The following MEGF11 variants were observed in gnomAD, a reference collection of about 807,000 sequenced individuals.
MEGF11 encodes the protein multiple EGF like domains 11.
A neutral mutation model predicts 146.6 loss-of-function variants in MEGF11; 126 were observed. The observed-to-expected ratio is 0.86, with a 90% CI of 0.74 to 1.00. MEGF11 has a LOEUF of 1.00. Among genes scored for constraint, MEGF11 ranks in the 50% least tolerant of loss-of-function variants. MEGF11 has a pLI of 0.00. For synonymous variants in MEGF11, 532 were observed against 583.4 expected (o/e 0.91, Z 1.27); for missense variants, 1,509 against 1,521.2 (o/e 0.99, Z 0.13).
chr15:65,965,273 C>G, intron 8 of MEGF11, 153 bp from the exon 9 acceptor site: 1 of 595,962 alleles, frequency 1.7e-6, no homozygotes. Context: ...TCTCCTCCTC[C>G]AGGAAGTAGT....
intron 10 of MEGF11, among the ~76,000 whole-genome samples, chr15:65,942,538 T>C (rs1239943519): frequency 6.6e-6 from 1 of 152,064 alleles, no homozygotes; most frequent in Non-Finnish European, 1.5e-5. Flanking sequence ...ATGATGATGA[T>C]GACTATGGTG....
Position 65,898,794 on chromosome 15 carries a change from G to A in MEGF11, c.3196C>T (p.His1066Tyr), listed in dbSNP as rs2078419794. The A allele has an allele frequency of 6.2e-7, 1 of 1,613,932 alleles. No homozygotes were observed. Among genetic ancestry groups the A allele is most frequent in the Non-Finnish European group, 8.5e-7 (1 of 1,179,868 alleles). The part of the protein sequence containing the change: ...SSYVEMKSPV[H>Y]MGSPYTDVPS... ...ACATCTGTGTACGGAGACCCCATGT[G>A]CACAGGCGACTTCATTTCTACATAG... Residue 1066 changes from histidine (H) to tyrosine (Y), a missense_variant, in exon 25 of 26, where the codon CAC becomes TAC. Transcript: ENST00000395614.
chr15:65,909,764 G>T lies in MEGF11; in HGVS notation c.2872C>A (p.Pro958Thr), dbSNP rs577807241. Reference sequence around the variant, plus strand: ...CCTAACACGTTCACATAGCTGTAGGGGGTCCAGCCTGCTGTGTCTCTGTCA... The same window carrying T: ...CCTAACACGTTCACATAGCTGTAGGTGGTCCAGCCTGCTGTGTCTCTGTCA... ...SLDRDTAGWTPYSYVNVLDSH... is the reference protein window; with the variant it reads ...SLDRDTAGWTTYSYVNVLDSH... The change falls in exon 22 of 26, where the codon CCC becomes ACC. Residue 958 changes from proline to threonine, a missense_variant. Transcript: ENST00000395614. The T allele has an allele frequency of 3.1e-4, 492 of 1,585,038 alleles. 1 individual carries two copies. In the African/African-American group the frequency reaches 6.1e-3, roughly 20 times the overall value.
At chr15:66,237,443 A>C (rs911110312) in intron 1 of MEGF11, among the ~76,000 whole-genome samples, 1 of 152,168 alleles carries the variant, frequency 6.6e-6, no homozygotes, top group Non-Finnish European at 1.5e-5. Context: ...ATCTGCTGTT[A>C]TCTCTAATTC....
rs74467768 is a variant in MEGF11 at position 66,005,460 on chromosome 15, A to G, written c.395-22972T>C. On this transcript the variant is annotated intron_variant, in intron 5 of 25. Transcript: ENST00000395614. ...GCAATACTATAATTAGAAATTGGCA[A>G]TACTCTTATGATTCGTGCTCCAGTA... Among the ~76,000 whole-genome samples, 73 of 152,342 alleles carry G rather than the reference A, an allele frequency of 4.8e-4. 1 individual carries two copies. The highest frequency in any genetic ancestry group is 1.6e-3 in the African/African-American group (65 of 41,576).
chr15:66,158,233 T>C (rs931883818), intron 1 of MEGF11, among the ~76,000 whole-genome samples: 1 of 152,258 alleles, frequency 6.6e-6, no homozygotes, highest in Non-Finnish European at 1.5e-5. Flanking sequence ...AATCCTGAGC[T>C]GGCATCACCC....
intron 1 of MEGF11, among the ~76,000 whole-genome samples, chr15:66,191,366 T>TC (rs1488300301): frequency 6.6e-6 from 1 of 152,228 alleles, no homozygotes; most frequent in African/African-American, 2.4e-5. Context: ...TACAGGGGTT[T>TC]CAATGGATGC....
rs113994238 is a variant in MEGF11, at chr15:66,053,282, C to T, written c.394+41120G>A. On this transcript the variant is annotated intron_variant, in intron 5 of 25. Transcript: ENST00000395614. Reference sequence around the variant, plus strand: ...TAGCATAGAGCCAGATATAAGTATGCGAAGGAGTACTAACATCCTTGCCTG... The same window carrying T: ...TAGCATAGAGCCAGATATAAGTATGTGAAGGAGTACTAACATCCTTGCCTG... Among the ~76,000 whole-genome samples the T allele has an allele frequency of 3.1e-3, 468 of 152,190 alleles. 4 individuals are homozygous for T. Among genetic ancestry groups the T allele is most frequent in the African/African-American group, 0.011 (440 of 41,502 alleles).
chr15:66,196,397 A>C (rs2091011248), intron 1 of MEGF11, among the ~76,000 whole-genome samples: 1 of 152,136 alleles, frequency 6.6e-6, no homozygotes, highest in Non-Finnish European at 1.5e-5. Flanking sequence ...ACTTGAACCC[A>C]GGAGGTAGAG....
chr15:65,922,371 G>A lies in MEGF11; in HGVS notation c.1924C>T (p.Leu642Phe), dbSNP rs1481535068. 2.5e-6 allele frequency: 4 copies of A among 1,604,900 alleles called. No individual in the cohort carries two copies. Among genetic ancestry groups the A allele is most frequent in the Admixed American group, 3.4e-5 (2 of 58,932 alleles). The part of the protein sequence containing the change: ...CHHISGICEC[L>F]PGFSGALCNQ... ...CAGAGAGCTCCAGAGAATCCTGGGA[G>A]GCACTCACAGATGCCGCTGATGTGG... Residue 642 changes from leucine to phenylalanine, a missense_variant, in exon 15 of 26, where the codon CTC becomes TTC. Transcript: ENST00000395614.
intron 1 of MEGF11, among the ~76,000 whole-genome samples, chr15:66,214,198 G>T (rs1446080149): frequency 6.6e-6 from 1 of 151,882 alleles, no homozygotes; most frequent in Admixed American, 6.6e-5. Flanking sequence ...ACCACACCCG[G>T]CTAATTTTGT....
At chr15:66,128,711 T>C (rs1270335752) in intron 1 of MEGF11, among the ~76,000 whole-genome samples, 3 of 152,082 alleles carry the variant, frequency 2.0e-5, no homozygotes, top group African/African-American at 4.8e-5. Flanking sequence ...TCGGCTATAA[T>C]TGCAGGGTGT....
chr15:66,238,854 G>A (rs1408909426), intron 1 of MEGF11, among the ~76,000 whole-genome samples: 5 of 137,576 alleles, frequency 3.6e-5, no homozygotes, highest in Non-Finnish European at 1.5e-5. Flanking sequence ...CACATCGCTT[G>A]TCACCTTCAA....
chr15:66,025,419 G>T (rs1275040815), intron 5 of MEGF11, among the ~76,000 whole-genome samples: 1 of 152,098 alleles, frequency 6.6e-6, no homozygotes, highest in Non-Finnish European at 1.5e-5. Flanking sequence ...GAGGGGCTGG[G>T]CTGGAGAAAG....
chr15:66,099,204 CTTTTT>C (rs10683767), intron 4 of MEGF11, among the ~76,000 whole-genome samples: 2 of 105,854 alleles, frequency 1.9e-5, no homozygotes, highest in East Asian at 2.7e-4. Context: ...CCTCCTTTTT[CTTTTT>C]TTTTTTTTTT....
intron 4 of MEGF11, among the ~76,000 whole-genome samples, chr15:66,098,040 C>T (rs1045031986): frequency 2.0e-5 from 3 of 152,202 alleles, no homozygotes; most frequent in South Asian, 2.1e-4. Context: ...CAACTGCCAA[C>T]TTCTTTGGCT....
At chr15:66,164,604 G>A (rs897748123) in intron 1 of MEGF11, among the ~76,000 whole-genome samples, 3 of 152,214 alleles carry the variant, frequency 2.0e-5, no homozygotes, top group Admixed American at 1.3e-4. Flanking sequence ...TGTGGGCCTC[G>A]TGGAGTTTTG....
At chr15:65,908,751 G>A (rs543681362) in intron 23 of MEGF11, among the ~76,000 whole-genome samples, 11 of 152,240 alleles carry the variant, frequency 7.2e-5, no homozygotes, top group South Asian at 2.1e-4. Context: ...TGTATTTTGT[G>A]GCCTGTAGGG....
chr15:65,939,248 C>G (rs912467543), intron 10 of MEGF11, among the ~76,000 whole-genome samples: 1 of 152,152 alleles, frequency 6.6e-6, no homozygotes. Flanking sequence ...CCTGGCTCAG[C>G]TATCCTTTTG....
Sources: allele counts gnomAD v4.1 joint callset (sites outside exome capture counted in the v4.1 genomes callset), GRCh38; gene constraint gnomAD v4.1.1; transcripts MANE v1.5; gene names NCBI Gene and HGNC (gene_info 2026-07-23, HGNC 2026-07-21).